MTMR1: variants seen among roughly 807,000 people sequenced by gnomAD.
The protein encoded by MTMR1 is myotubularin related protein 1.
Under a neutral mutation model 51.6 loss-of-function variants are expected in MTMR1, and 17 were observed. The ratio of observed to expected loss-of-function variants is 0.33; its 90% CI spans 0.23 to 0.49. MTMR1 has a LOEUF of 0.49. Ranked by LOEUF, MTMR1 falls within the 20% of genes least tolerant of loss-of-function variation. The probability of loss-of-function intolerance (pLI) is 0.99; values close to 1 mark genes in which losing one functional copy is unlikely to be tolerated. For synonymous variants in MTMR1, 201 were observed against 205.6 expected (o/e 0.98, Z 0.19); for missense variants, 386 against 526.9 (o/e 0.73, Z 2.62).
At chrX:150,716,665 C>G (rs1006348049) in intron 3 of MTMR1, among the ~76,000 whole-genome samples, 2 of 112,225 alleles carry the variant, frequency 1.8e-5, no homozygotes, top group Non-Finnish European at 3.8e-5. Flanking sequence ...GTAGAACTAA[C>G]ATAGCCCTGA....
At chrX:150,749,232 T>C (rs2042661263) in intron 13 of MTMR1, among the ~76,000 whole-genome samples, 1 of 112,358 alleles carries the variant, frequency 8.9e-6, no homozygotes, top group Admixed American at 9.4e-5. Context: ...CAGTCCTGGA[T>C]TGACCATTGT....
chrX:150,705,965 T>G (rs913160280), intron 2 of MTMR1, among the ~76,000 whole-genome samples: 8 of 112,192 alleles, frequency 7.1e-5, no homozygotes, highest in Non-Finnish European at 1.5e-4. Flanking sequence ...ACTTAGGTAT[T>G]GTCTTAGTCC....
intron 1 of MTMR1, 151 bp downstream of exon 1, chrX:150,693,827 C>A (rs1488231305): frequency 1.3e-5 from 4 of 315,413 alleles, no homozygotes; most frequent in Non-Finnish European, 4.2e-6. Context: ...CCTCCTCCCC[C>A]CCACCCCCGG....
intron 4 of MTMR1, among the ~76,000 whole-genome samples, chrX:150,721,481 G>A (rs951431897): frequency 9.0e-6 from 1 of 111,588 alleles, no homozygotes; most frequent in East Asian, 2.8e-4. Flanking sequence ...TTTAGACTGT[G>A]GTTTTCTTTT....
At chrX:150,760,106 T>C (rs2043049861) in intron 15 of MTMR1, among the ~76,000 whole-genome samples, 1 of 108,930 alleles carries the variant, frequency 9.2e-6, no homozygotes, top group Non-Finnish European at 2.0e-5. Flanking sequence ...TCTCCCTCCA[T>C]TGTGCTACAC....
chrX:150,730,534 G>T lies in MTMR1; in HGVS notation c.667G>T (p.Ala223Ser). The T allele has an allele frequency of 1.7e-6, 2 of 1,168,194 alleles. No homozygotes were observed. Among genetic ancestry groups the T allele is most frequent in the Middle Eastern group, 2.4e-4 (1 of 4,135 alleles). Residue 223 changes from alanine to serine, a missense_variant, in exon 8 of 16, where the codon GCA becomes TCA. Physicochemically the swap from Ala to Ser is moderately conservative, Grantham distance 99. Transcript: ENST00000445323. ...FPLSNGQALF[A>S]FSYKEKFPIN... ...TGGTTTTTGTGTCCAGGCACTATTT[G>T]CATTCAGCTATAAAGAAAAATTTCC... is the stretch of plus-strand genomic sequence containing the variant.
intron 5 of MTMR1, 46 bp from the exon 6 acceptor site, chrX:150,727,638 C>G (rs782726859): frequency 1.5e-5 from 15 of 968,804 alleles, no homozygotes; most frequent in Non-Finnish European, 2.2e-5. Flanking sequence ...AATATGAAAA[C>G]TGTTGACTGA....
chrX:150,718,581 GTCCTTTTT>G, intron 3 of MTMR1, 36 bp from the exon 4 acceptor site: 1 of 576,373 alleles, frequency 1.7e-6, no homozygotes, highest in Non-Finnish European at 2.1e-6. Context: ...CCCGTTTGGT[GTCCTTTTT>G]TTTTTTTTTT....
At chrX:150,748,672 CAAAAAACA>C (rs1453826465) in intron 13 of MTMR1, among the ~76,000 whole-genome samples, 28 of 93,819 alleles carry the variant, frequency 3.0e-4, no homozygotes, top group South Asian at 6.6e-4. Context: ...AAACAAAAAA[CAAAAAACA>C]AAAAAAAACT....
rs781936008 is a variant in MTMR1, at chrX:150,747,476, G to A, written c.1566+3023G>A. Reference sequence around the variant, plus strand: ...TCTCTAAAACAATAAAAAAGGAGGTGCAGAATTTTATTATAGATTACTGTG... The same window carrying A: ...TCTCTAAAACAATAAAAAAGGAGGTACAGAATTTTATTATAGATTACTGTG... On this transcript the variant is annotated intron_variant, in intron 13 of 15. Transcript: ENST00000445323. 1.6e-3 allele frequency among the ~76,000 whole-genome samples: 177 copies of A among 111,096 alleles called. 1 individual carries two copies. The highest frequency in any genetic ancestry group is 5.6e-3 in the African/African-American group (171 of 30,576).
intron 3 of MTMR1, 146 bp from the exon 4 acceptor site, chrX:150,718,479 G>C (rs2041619776): frequency 1.5e-6 from 1 of 656,575 alleles, no homozygotes; most frequent in Non-Finnish European, 2.1e-6. Flanking sequence ...CTTTGAAGGG[G>C]TTGGGTGCTT....
intron 3 of MTMR1, 128 bp from the exon 4 acceptor site, chrX:150,718,497 A>G: frequency 1.2e-6 from 1 of 842,155 alleles, no homozygotes; most frequent in Non-Finnish European, 1.6e-6. Context: ...CTTATTTTGC[A>G]CGCTTCTGTA....
chrX:150,693,464 G>A lies in MTMR1; in HGVS notation c.-67G>A. 1.3e-6 allele frequency: 1 copy of A among 759,482 alleles called. No individual in the cohort carries two copies. Among genetic ancestry groups the A allele is most frequent in the Non-Finnish European group, 1.6e-6 (1 of 642,836 alleles). 62.6% of individuals were successfully genotyped at this position (759,482 alleles called of 1,213,427 possible). On this transcript the variant is annotated 5_prime_UTR_variant, in exon 1 of 16. Transcript: ENST00000445323. ...GAGCGGGCGGCAGGAGGCAAGCAGC[G>A]AAACCTTCCCGGCCGCCGCTCCCGT...
intron 1 of MTMR1, among the ~76,000 whole-genome samples, chrX:150,698,676 G>GCACACACACACA (rs1170788477): frequency 3.0e-4 from 16 of 53,080 alleles, no homozygotes; most frequent in African/African-American, 1.1e-3. Flanking sequence ...GTCTACACGC[G>GCACACACACACA]CGCGCACACA....
chrX:150,726,742 A>T (rs782309349), intron 4 of MTMR1, among the ~76,000 whole-genome samples: 16 of 112,308 alleles, frequency 1.4e-4, no homozygotes, highest in Non-Finnish European at 3.0e-4. Context: ...AAGGAATTTG[A>T]AATAAGTCTT....
intron 15 of MTMR1, among the ~76,000 whole-genome samples, chrX:150,762,310 C>T (rs782666475): frequency 8.9e-6 from 1 of 112,128 alleles, no homozygotes; most frequent in East Asian, 2.8e-4. Flanking sequence ...ACTGTGGGAG[C>T]CTCCCCATGG....
At chrX:150,712,761 G>A in intron 3 of MTMR1, 1 of 195,436 alleles carries the variant, frequency 5.1e-6, no homozygotes, top group Non-Finnish European at 9.8e-6. Context: ...AAGGTTAGTT[G>A]GCTGTCCTAT....
In MTMR1 at chrX:150,738,462, A is replaced by G. The variant is rs1016455973; in HGVS notation, c.1473+1014A>G. ...TGTTAGTATATAAGTTTTTGCCATA[A>G]CAAGGTACCACAGACTGCATGGTTG... On this transcript the variant is annotated intron_variant, in intron 12 of 15. Transcript: ENST00000445323. Among the ~76,000 whole-genome samples, 3 of 112,314 alleles carry G rather than the reference A, an allele frequency of 2.7e-5. No homozygotes were observed. The South Asian group carries it at 1.1e-3, about 41-fold the overall frequency.
intron 1 of MTMR1, among the ~76,000 whole-genome samples, chrX:150,697,821 G>A (rs978170715): frequency 3.6e-5 from 4 of 111,925 alleles, no homozygotes; most frequent in East Asian, 2.8e-4. Flanking sequence ...CATGTAAAGC[G>A]GTTGGCTCGC....
Sources: allele counts gnomAD v4.1 joint callset (sites outside exome capture counted in the v4.1 genomes callset), GRCh38; gene constraint gnomAD v4.1.1; transcripts MANE v1.5; gene names NCBI Gene and HGNC (gene_info 2026-07-23, HGNC 2026-07-21).